The following NRIP1 variants were observed in gnomAD, a reference collection of about 807,000 sequenced individuals.
NRIP1 encodes the protein nuclear receptor interacting protein 1, also known as nuclear receptor-interacting protein 1.
A neutral mutation model predicts 75.0 loss-of-function variants in NRIP1; 28 were observed. The observed-to-expected ratio is 0.37, with a 90% CI of 0.28 to 0.51. The LOEUF (loss-of-function observed/expected upper bound fraction) is 0.51, where lower values mean the gene tolerates loss of function less well. Ranked by LOEUF, NRIP1 falls within the 20% of genes least tolerant of loss-of-function variation. NRIP1 has a pLI of 0.92. For missense variants in NRIP1, 1,435 were observed against 1,343.7 expected (o/e 1.07, Z -1.06); for synonymous variants, 526 against 487.6 (o/e 1.08, Z -1.04).
rs561237122 is a variant in NRIP1, at chr21:14,967,992, A to T, written c.201T>A (p.Val67=). Residue 67 remains valine (V), a synonymous_variant, in exon 4 of 4, where the codon GTT becomes GTA. Coordinates refer to ENST00000318948, the MANE Select transcript of NRIP1 (RefSeq NM_003489.4). ...AFPTCQSNGP[V]LNTHTYQGSG... ...ACCCCTGATATGTATGTGTATTGAG[A>T]ACTGGACCATTACTTTGACAGGTGG... 1.2e-6 allele frequency: 2 copies of T among 1,614,016 alleles called. No individual in the cohort carries two copies. Among genetic ancestry groups the T allele is most frequent in the South Asian group, 2.2e-5 (2 of 91,074 alleles).
At chr21:15,029,769 T>C (rs1034885441) in intron 2 of NRIP1, among the ~76,000 whole-genome samples, 5 of 152,048 alleles carry the variant, frequency 3.3e-5, no homozygotes, top group African/African-American at 4.8e-5. Flanking sequence ...TGAGCTATGC[T>C]AACCCCACTG....
rs771114807 is a variant in NRIP1 at position 14,967,898 on chromosome 21, T to G, written c.295A>C (p.Lys99Gln). 20 of 1,614,166 alleles carry G rather than the reference T, an allele frequency of 1.2e-5. No individual in the cohort carries two copies. The highest frequency in any genetic ancestry group is 1.7e-5 in the Admixed American group (1 of 60,004). The change falls in exon 4 of 4, where the codon AAG (lysine) becomes CAG (glutamine). Residue 99 changes from lysine to glutamine, a missense_variant. Physicochemically the swap from Lys to Gln is moderately conservative, Grantham distance 53. Transcript: ENST00000318948. ...SSEDWNAAKR[K>Q]RLSDSIMNLN... ...TTCATGATAGAATCAGACAGCCTCT[T>G]CCGCTTTGCTGCATTCCAGTCCTCA...
chr21:15,008,058 A>G (rs772296098), intron 3 of NRIP1, among the ~76,000 whole-genome samples: 2 of 152,196 alleles, frequency 1.3e-5, no homozygotes, highest in Non-Finnish European at 2.9e-5. Context: ...CCCAGCACCA[A>G]TGTAATTTGA....
At chr21:15,045,396 T>A (rs552767747) in intron 1 of NRIP1, among the ~76,000 whole-genome samples, 1 of 152,354 alleles carries the variant, frequency 6.6e-6, no homozygotes, top group East Asian at 1.9e-4. Context: ...ATAAAAGTTA[T>A]GTTTACACTG....
At chr21:14,986,397 G>T (rs1260522152) in intron 3 of NRIP1, among the ~76,000 whole-genome samples, 1 of 152,124 alleles carries the variant, frequency 6.6e-6, no homozygotes, top group Non-Finnish European at 1.5e-5. Flanking sequence ...CATTGCCACG[G>T]CTTTCAACTT....
At chr21:15,041,221 T>TA (rs113934587) in intron 2 of NRIP1, among the ~76,000 whole-genome samples, 3 of 152,068 alleles carry the variant, frequency 2.0e-5, no homozygotes, top group Admixed American at 6.6e-5. Context: ...ATAATGTTGA[T>TA]AAAAAAAGAC....
At chr21:14,999,334 A>G (rs2087800773) in intron 3 of NRIP1, among the ~76,000 whole-genome samples, 1 of 152,100 alleles carries the variant, frequency 6.6e-6, no homozygotes, top group Non-Finnish European at 1.5e-5. Context: ...TCATAATACT[A>G]AATATGTTGT....
intron 2 of NRIP1, among the ~76,000 whole-genome samples, chr21:15,026,480 T>G (rs1433749842): frequency 6.6e-6 from 1 of 152,246 alleles, no homozygotes; most frequent in African/African-American, 2.4e-5. Context: ...CAACTTCATA[T>G]TATTTCATAT....
At chr21:15,012,394 T>C (rs532924509) in intron 3 of NRIP1, among the ~76,000 whole-genome samples, 26 of 151,966 alleles carry the variant, frequency 1.7e-4, no homozygotes, top group African/African-American at 6.0e-4. Flanking sequence ...CTATCAGTAA[T>C]TTGTTTTTAT....
chr21:14,986,632 T>C (rs2087411906), intron 3 of NRIP1, among the ~76,000 whole-genome samples: 1 of 152,224 alleles, frequency 6.6e-6, no homozygotes, highest in Non-Finnish European at 1.5e-5. Flanking sequence ...CTAAAATGCA[T>C]AGTTAAGACA....
rs530386859 is a variant in NRIP1, at chr21:15,061,114, T to A, written c.-538+3631A>T. On this transcript the variant is annotated intron_variant, in intron 1 of 3. Coordinates refer to ENST00000318948, the MANE Select transcript of NRIP1 (RefSeq NM_003489.4). ...TTTTTAGTTCACAGATTCAAACTCA[T>A]ATCCTGCAAGACCCTAGCATATCTT... is the stretch of plus-strand genomic sequence containing the variant. Among the ~76,000 whole-genome samples, 3 of 152,318 alleles carry A rather than the reference T, an allele frequency of 2.0e-5. No homozygotes were observed. In the South Asian group the frequency reaches 6.2e-4, roughly 32 times the overall value.
At chr21:15,047,124 C>T (rs4356736) in intron 1 of NRIP1, among the ~76,000 whole-genome samples, 24,655 of 152,062 alleles carry the variant, frequency 0.16, 2,451 homozygotes, top group East Asian at 0.31. Flanking sequence ...CTCAGAGTTC[C>T]GCATTGTTGG....
At chr21:15,025,820 G>A (rs751586711) in intron 2 of NRIP1, among the ~76,000 whole-genome samples, 10 of 152,108 alleles carry the variant, frequency 6.6e-5, no homozygotes, top group East Asian at 1.9e-4. Context: ...ACATAATTAC[G>A]GGCCGACATG....
intron 1 of NRIP1, among the ~76,000 whole-genome samples, chr21:15,057,081 T>C (rs1182841862): frequency 6.6e-6 from 1 of 152,188 alleles, no homozygotes; most frequent in African/African-American, 2.4e-5. Context: ...CACAAATACA[T>C]TGTTAATTTC....
At chr21:15,040,593 T>C (rs564650818) in intron 2 of NRIP1, among the ~76,000 whole-genome samples, 6 of 152,146 alleles carry the variant, frequency 3.9e-5, no homozygotes, top group East Asian at 1.9e-4. Flanking sequence ...TGTCCAAATA[T>C]TCAACTAATA....
At chr21:15,038,712 C>T (rs1013791486) in intron 2 of NRIP1, among the ~76,000 whole-genome samples, 5 of 152,006 alleles carry the variant, frequency 3.3e-5, no homozygotes, top group African/African-American at 1.2e-4. Flanking sequence ...ATGCTTATAA[C>T]TTACAATTTT....
chr21:14,980,492 T>G (rs1008079913), intron 3 of NRIP1, among the ~76,000 whole-genome samples: 3 of 150,414 alleles, frequency 2.0e-5, no homozygotes, highest in African/African-American at 7.4e-5. Flanking sequence ...TAAAATAAAA[T>G]AAAAATAAAA....
intron 3 of NRIP1, among the ~76,000 whole-genome samples, chr21:14,979,152 T>A (rs1600823682): frequency 6.6e-6 from 1 of 152,184 alleles, no homozygotes; most frequent in South Asian, 2.1e-4. Flanking sequence ...CACATAAGTA[T>A]AAGAAAAGAG....
chr21:15,049,203 G>T (rs2089152152), intron 1 of NRIP1, among the ~76,000 whole-genome samples: 1 of 152,076 alleles, frequency 6.6e-6, no homozygotes, highest in Admixed American at 6.5e-5. Context: ...TTTAGGAAAA[G>T]AATTTAAAAC....
Sources: allele counts gnomAD v4.1 joint callset (sites outside exome capture counted in the v4.1 genomes callset), GRCh38; gene constraint gnomAD v4.1.1; transcripts MANE v1.5; gene names NCBI Gene and HGNC (gene_info 2026-07-23, HGNC 2026-07-21).